The following NFIB variants were observed in gnomAD, a reference collection of about 807,000 sequenced individuals.
NFIB encodes nuclear factor I B.
In NFIB, 11 loss-of-function variants were observed where a neutral mutation model predicts 61.5. The ratio of observed to expected loss-of-function variants is 0.18; its 90% CI spans 0.11 to 0.30. The LOEUF (loss-of-function observed/expected upper bound fraction) is 0.30. Ranked by LOEUF, NFIB falls within the 10% of genes least tolerant of loss-of-function variation. NFIB has a pLI of 1.00. For synonymous variants in NFIB, 260 were observed against 216.5 expected (o/e 1.20, Z -1.76); for missense variants, 471 against 608.9 (o/e 0.77, Z 2.38).
chr9:14,370,208 C>T (rs1297277996), intron 1 of NFIB, among the ~76,000 whole-genome samples: 1 of 152,212 alleles, frequency 6.6e-6, no homozygotes, highest in African/African-American at 2.4e-5. Context: ...AGCTTTTCCA[C>T]TCTTACCCCC....
upstream of NFIB, among the ~76,000 whole-genome samples, chr9:14,400,523 T>C (rs1193926779): frequency 6.6e-6 from 1 of 152,110 alleles, no homozygotes; most frequent in Non-Finnish European, 1.5e-5. Flanking sequence ...TGCTGAGTAA[T>C]ATACAGGTCA....
chr9:14,268,973 C>T (rs1473095224), intron 2 of NFIB, among the ~76,000 whole-genome samples: 3 of 152,160 alleles, frequency 2.0e-5, no homozygotes, highest in Non-Finnish European at 4.4e-5. Flanking sequence ...TAGTATCAAT[C>T]TCCACTTACC....
chr9:14,126,931 C>A (rs973018094), intron 6 of NFIB, among the ~76,000 whole-genome samples: 3 of 152,188 alleles, frequency 2.0e-5, no homozygotes, highest in African/African-American at 7.2e-5. Flanking sequence ...GAACTGGACT[C>A]ACTTTCGGCT....
intron 2 of NFIB, among the ~76,000 whole-genome samples, chr9:14,216,569 T>G (rs2050948620): frequency 6.6e-6 from 1 of 150,508 alleles, no homozygotes; most frequent in African/African-American, 2.4e-5. Context: ...TGTGTGTGTG[T>G]GTGTGTGTGT....
intron 2 of NFIB, among the ~76,000 whole-genome samples, chr9:14,295,585 T>G (rs781609024): frequency 2.6e-5 from 4 of 152,052 alleles, no homozygotes; most frequent in Admixed American, 2.6e-4. Flanking sequence ...GAGCCGAGAT[T>G]GCGCCACTGC....
At chr9:14,375,599 A>AG (rs2061409626) in intron 1 of NFIB, among the ~76,000 whole-genome samples, 1 of 152,134 alleles carries the variant, frequency 6.6e-6, no homozygotes, top group South Asian at 2.1e-4. Context: ...TGGAGGTTGC[A>AG]GTGAGCTGAG....
At chr9:14,135,863 A>C (rs1586933843) in intron 6 of NFIB, among the ~76,000 whole-genome samples, 1 of 152,312 alleles carries the variant, frequency 6.6e-6, no homozygotes, top group Middle Eastern at 3.4e-3. Context: ...TTCTTACTTT[A>C]ATTACTGAGT....
At chr9:14,450,652 C>G in the NFIB span, among the ~76,000 whole-genome samples, 1 of 152,190 alleles carries the variant, frequency 6.6e-6, no homozygotes. Context: ...GCACCCCTCC[C>G]CCCGCACCAC....
At chr9:14,192,487 T>C (rs2048055310) in intron 2 of NFIB, among the ~76,000 whole-genome samples, 1 of 152,174 alleles carries the variant, frequency 6.6e-6, no homozygotes, top group African/African-American at 2.4e-5. Context: ...TCCTGAACTC[T>C]GTTTCTGCAA....
intron 2 of NFIB, chr9:14,306,036 A>G: frequency 5.5e-6 from 5 of 915,136 alleles, no homozygotes; most frequent in Non-Finnish European, 7.9e-6. Context: ...AGGAAAATAT[A>G]TTAAGAAAAA....
chr9:14,466,120 G>A, the NFIB span, among the ~76,000 whole-genome samples: 5 of 152,160 alleles, frequency 3.3e-5, no homozygotes, highest in African/African-American at 9.7e-5. Flanking sequence ...ATGGCCTCAC[G>A]GGTGTTCGGA....
At chr9:14,356,642 C>T (rs1046178497) in intron 1 of NFIB, among the ~76,000 whole-genome samples, 1 of 152,044 alleles carries the variant, frequency 6.6e-6, no homozygotes, top group African/African-American at 2.4e-5. Flanking sequence ...TCCTCTCTTG[C>T]ACTCCACCAG....
intron 1 of NFIB, among the ~76,000 whole-genome samples, chr9:14,321,612 G>A (rs2060661932): frequency 6.6e-6 from 1 of 152,214 alleles, no homozygotes; most frequent in African/African-American, 2.4e-5. Flanking sequence ...ACTGAGGGGA[G>A]AGGGGCATAA....
chr9:14,517,795 T>C, the NFIB span, among the ~76,000 whole-genome samples: 8 of 152,184 alleles, frequency 5.3e-5, no homozygotes, highest in Non-Finnish European at 7.3e-5. Context: ...TTCCATGGGC[T>C]GTTTCCCAGT....
At position 14,307,845 on chromosome 9, in the gene NFIB, A is replaced by G; in HGVS notation, c.31-325T>C. On this transcript the variant is annotated intron_variant, in intron 1 of 10. Transcript: ENST00000380953. This position sits in a 1 kb window ranked among gnomAD's most constrained non-coding sequence, Gnocchi z 5.3. ...ATGCATTCTACATTCTTTAAAATATAGGCAACTAACTAAGGTGCTTGGCAC... is the reference window on the plus strand; with the variant it reads ...ATGCATTCTACATTCTTTAAAATATGGGCAACTAACTAAGGTGCTTGGCAC... 4.9e-6 allele frequency: 1 copy of G among 204,682 alleles called. No homozygotes were observed. Among genetic ancestry groups the G allele is most frequent in the Non-Finnish European group, 1.0e-5 (1 of 100,152 alleles). 12.7% of individuals were successfully genotyped at this position (204,682 alleles called of 1,614,324 possible). A position where few individuals can be genotyped will look rare whatever the true frequency, so the allele number is the denominator to read the frequency against.
intron 2 of NFIB, among the ~76,000 whole-genome samples, chr9:14,262,551 G>A (rs530716070): frequency 6.6e-6 from 1 of 152,188 alleles, no homozygotes; most frequent in Non-Finnish European, 1.5e-5. Context: ...AGCGCAATGG[G>A]ATTGTGGTGG....
chr9:14,444,461 G>C, the NFIB span, among the ~76,000 whole-genome samples: 310 of 152,262 alleles, frequency 2.0e-3, 1 homozygote, highest in Non-Finnish European at 3.5e-3. Context: ...AGTTTTGAAA[G>C]TCATAAGCAT....
intron 10 of NFIB, among the ~76,000 whole-genome samples, chr9:14,108,048 G>A (rs534660997): frequency 7.9e-5 from 12 of 152,194 alleles, no homozygotes; most frequent in African/African-American, 2.9e-4. Context: ...TTAAGAACTA[G>A]CCAAAGAGCT....
chr9:14,420,441 G>C, the NFIB span, among the ~76,000 whole-genome samples: 570 of 34,388 alleles, frequency 0.017, 5 homozygotes, highest in African/African-American at 0.054. Flanking sequence ...GCGAGACTCC[G>C]TCTCAAAAAA....
Sources: allele counts gnomAD v4.1 joint callset (sites outside exome capture counted in the v4.1 genomes callset), GRCh38; gene constraint gnomAD v4.1.1; non-coding constraint Gnocchi (gnomAD v3.1); transcripts MANE v1.5; gene names NCBI Gene and HGNC (gene_info 2026-07-23, HGNC 2026-07-21).